Variants in LAMA1 observed in about 807,000 individuals in gnomAD.
LAMA1 encodes the protein laminin subunit alpha 1, also known as laminin subunit alpha-1.
Under a neutral mutation model 348.7 loss-of-function variants are expected in LAMA1, and 219 were observed. That is an observed-to-expected ratio of 0.63 (90% CI 0.56 to 0.70). The LOEUF is 0.70. LAMA1 is among the 30% of genes least tolerant of loss of function. The pLI, the probability that LAMA1 is intolerant of heterozygous loss-of-function variation, is 0.00. For synonymous variants in LAMA1, 1,487 were observed against 1,491.0 expected (o/e 1.00, Z 0.06); for missense variants, 3,744 against 3,888.0 (o/e 0.96, Z 0.99).
Position 6,948,523 on chromosome 18 carries a change from C to T in LAMA1, c.8590G>A (p.Val2864Met). 1 of 1,614,218 alleles carries T rather than the reference C, an allele frequency of 6.2e-7. No individual in the cohort carries two copies. Among genetic ancestry groups the T allele is most frequent in the Non-Finnish European group, 8.5e-7 (1 of 1,180,048 alleles). Residue 2864 changes from valine (V) to methionine (M), a missense_variant, in exon 60 of 63, where the codon GTG (valine) becomes ATG (methionine). Around this residue, in one of 3 missense-constraint regions of LAMA1, gnomAD observed 1,983 missense variants for 1,934.3 expected, o/e 1.03. Transcript: ENST00000389658. ...THSIPACIGD[V>M]TVNSKQLDKD... ...TCCAGCTGTTTGCTGTTAACCGTCA[C>T]ATCCCCAATGCAGGCAGGGATGCTG...
chr18:7,044,837 T>A lies in LAMA1; in HGVS notation c.861A>T (p.Lys287Asn). The change falls in exon 7 of 63, where the codon AAA (lysine) becomes AAT (asparagine). Residue 287 changes from lysine (K) to asparagine (N), a missense_variant and splice_region_variant. By Grantham distance (94) the Lys-to-Asn change is moderately conservative. Around this residue, in one of 3 missense-constraint regions of LAMA1, gnomAD observed 1,529 missense variants for 1,689.4 expected, o/e 0.91. Transcript: ENST00000389658. Reference protein sequence around the residue: ...SSCPWDETTKKLQCQCEHNTC... With the variant: ...SSCPWDETTKNLQCQCEHNTC... ...TATTATGCTCACATTGACACTGCAG[T>A]TTCTACACAATAAGGAAGCCAAAAC... 2 of 1,609,894 alleles carry A rather than the reference T, an allele frequency of 1.2e-6. No individual in the cohort carries two copies. The highest frequency in any genetic ancestry group is 2.2e-5 in the East Asian group (1 of 44,858).
At chr18:7,050,297 A>G (rs533906781) in intron 4 of LAMA1, among the ~76,000 whole-genome samples, 1 of 152,348 alleles carries the variant, frequency 6.6e-6, no homozygotes, top group South Asian at 2.1e-4. Context: ...CATGTTGGGC[A>G]CTAAGCTGCA....
chr18:6,951,057 C>T, intron 57 of LAMA1, 86 bp from the exon 58 acceptor site: 1 of 1,208,512 alleles, frequency 8.3e-7, no homozygotes. Flanking sequence ...ACAATTGTTT[C>T]AGCGTTTACA....
intron 51 of LAMA1, chr18:6,964,241 A>G (rs776129649): frequency 3.7e-6 from 1 of 271,796 alleles, no homozygotes; most frequent in Non-Finnish European, 7.2e-6. Flanking sequence ...AGCAGATGTT[A>G]CAGGTTGAAC....
At chr18:7,029,228 C>T (rs1334728483) in intron 16 of LAMA1, among the ~76,000 whole-genome samples, 1 of 152,094 alleles carries the variant, frequency 6.6e-6, no homozygotes, top group East Asian at 1.9e-4. Context: ...TGAGGTGGGG[C>T]CTGAGTTTCT....
At chr18:7,009,466 G>A in intron 26 of LAMA1, 100 bp from the exon 27 acceptor site, 2 of 1,346,964 alleles carry the variant, frequency 1.5e-6, no homozygotes, top group Admixed American at 3.8e-5. Context: ...CTCCAGAAAT[G>A]AGCCATGTTC....
chr18:7,023,315 G>A lies in LAMA1; in HGVS notation c.2550C>T (p.Asp850=), dbSNP rs2057926938. 1 of 1,614,192 alleles carries A rather than the reference G, an allele frequency of 6.2e-7. No individual in the cohort carries two copies. Among genetic ancestry groups the A allele is most frequent in the Admixed American group, 1.7e-5 (1 of 60,028 alleles). Residue 850 remains aspartate (D), a synonymous_variant, in exon 19 of 63, where the codon GAC becomes GAT. Coordinates refer to ENST00000389658, the MANE Select transcript of LAMA1 (RefSeq NM_005559.4). ...TVPGESCVPC[D]CSGNVDPSEA... Reference sequence around the variant, plus strand: ...CCGAGGGGTCCACGTTGCCGCTGCAGTCACAGGGAACACAAGATTCGCCAG... The same window carrying A: ...CCGAGGGGTCCACGTTGCCGCTGCAATCACAGGGAACACAAGATTCGCCAG...
chr18:7,009,289 A>T lies in LAMA1; in HGVS notation c.3951T>A (p.Ile1317=). ...ACGATGCCTTGATGAGGATGTACTC[A>T]ATATCGCTGAGGACAGACATAAAAT... ...REDFMSVLSD[I]EYILIKASYG... is the part of the protein sequence containing the mutation. The change falls in exon 27 of 63, where the codon ATT becomes ATA. Residue 1317 remains isoleucine (I), a synonymous_variant. Coordinates refer to ENST00000389658, the MANE Select transcript of LAMA1 (RefSeq NM_005559.4). The T allele has an allele frequency of 6.2e-7, 1 of 1,614,074 alleles. No individual in the cohort carries two copies.
chr18:7,002,336 C>T lies in LAMA1; in HGVS notation c.4310G>A (p.Gly1437Asp), dbSNP rs1600385477. 1 of 1,613,772 alleles carries T rather than the reference C, an allele frequency of 6.2e-7. No individual in the cohort carries two copies. Among genetic ancestry groups the T allele is most frequent in the African/African-American group, 1.3e-5 (1 of 75,048 alleles). The change falls in exon 30 of 63, where the codon GGC becomes GAC. Residue 1437 changes from glycine (G) to aspartate (D), a missense_variant. By Grantham distance (94) the Gly-to-Asp change is moderately conservative. Around this residue, in one of 3 missense-constraint regions of LAMA1, gnomAD observed 1,983 missense variants for 1,934.3 expected, o/e 1.03. Transcript: ENST00000389658. The part of the protein sequence containing the change: ...AGDHCDVCTS[G>D]YYGKVTGSAS... ...TGAGCCAGTCACCTTCCCGTAGTAG[C>T]CAGAAGTACACACATCACAATGGTC...
chr18:6,955,495 G>A (rs567274914), intron 56 of LAMA1, 30 bp from the exon 57 acceptor site: 24 of 1,541,260 alleles, frequency 1.6e-5, no homozygotes, highest in Middle Eastern at 1.7e-4. Flanking sequence ...ACACTCAGCC[G>A]CCACCCGCAG....
intron 14 of LAMA1, 97 bp from the exon 15 acceptor site, chr18:7,033,192 C>T (rs1271335769): frequency 1.8e-5 from 16 of 908,294 alleles, no homozygotes; most frequent in East Asian, 1.6e-4. Flanking sequence ...TCCGGCCGGG[C>T]GCAGTGGCTC....
intron 3 of LAMA1, among the ~76,000 whole-genome samples, chr18:7,064,778 A>G (rs1307517867): frequency 6.6e-6 from 1 of 152,236 alleles, no homozygotes; most frequent in African/African-American, 2.4e-5. Context: ...AAGAACACAG[A>G]TAAATATCTT....
intron 3 of LAMA1, among the ~76,000 whole-genome samples, chr18:7,077,895 G>A (rs1007529863): frequency 2.0e-5 from 3 of 151,376 alleles, no homozygotes; most frequent in East Asian, 2.0e-4. Flanking sequence ...TTGGGAAGCC[G>A]AGGCCGGTGG....
At chr18:7,113,383 T>C (rs890174878) in intron 1 of LAMA1, among the ~76,000 whole-genome samples, 4 of 152,180 alleles carry the variant, frequency 2.6e-5, no homozygotes, top group African/African-American at 7.2e-5. Context: ...TTACCCCCAA[T>C]GTGACACAGC....
chr18:6,982,762 A>G (rs2057717818), intron 40 of LAMA1, among the ~76,000 whole-genome samples, 172 bp from the exon 41 acceptor site: 2 of 152,158 alleles, frequency 1.3e-5, no homozygotes, highest in Non-Finnish European at 2.9e-5. Context: ...AAACAAAGAC[A>G]TTTTTAAGTA....
intron 60 of LAMA1, 101 bp from the exon 61 acceptor site, chr18:6,947,397 C>T (rs2057527029): frequency 6.4e-6 from 9 of 1,415,000 alleles, no homozygotes; most frequent in Non-Finnish European, 8.9e-6. Context: ...GCTCTAGCTC[C>T]TCCTTTGGAT....
chr18:7,015,508 G>A (rs1220002572), intron 22 of LAMA1, among the ~76,000 whole-genome samples: 1 of 150,820 alleles, frequency 6.6e-6, no homozygotes, highest in Non-Finnish European at 1.5e-5. Flanking sequence ...TTGAATTCCT[G>A]GCTTCAAACG....
At chr18:6,991,890 G>T (rs2057760465) in intron 36 of LAMA1, among the ~76,000 whole-genome samples, 1 of 152,144 alleles carries the variant, frequency 6.6e-6, no homozygotes, top group South Asian at 2.1e-4. Flanking sequence ...CATTTCATTA[G>T]ATTATAGTTT....
rs548839224 is a variant in LAMA1 at position 7,074,317 on chromosome 18, T to C, written c.345+5658A>G. Among the ~76,000 whole-genome samples, 71 of 152,346 alleles carry C rather than the reference T, an allele frequency of 4.7e-4. 2 individuals carry two copies. Among genetic ancestry groups the C allele is most frequent in the Admixed American group, 3.7e-3 (57 of 15,308 alleles). On this transcript the variant is annotated intron_variant, in intron 3 of 62. Transcript: ENST00000389658. The stretch of plus-strand genomic sequence containing the variant: ...TGATTTTCACTTCCCTATTGAATAA[T>C]GACGATGAACATCTTTTCATCTCAA...
Sources: gnomAD v4.1 joint callset for allele counts (sites outside exome capture counted in the v4.1 genomes callset) on GRCh38, gnomAD v4.1.1 for gene constraint, gnomAD v4.1.1 regional missense constraint, MANE v1.5 for transcripts, NCBI Gene and HGNC (gene_info 2026-07-23, HGNC 2026-07-21) for gene names.